The following UGGT2 variants were observed in gnomAD, a reference collection of about 807,000 sequenced individuals.
UGGT2 encodes UDP-glucose glycoprotein glucosyltransferase 2.
UGGT2 carries 180 observed loss-of-function variants against 192.1 expected under a neutral mutation model. The ratio of observed to expected loss-of-function variants is 0.94; its 90% CI spans 0.83 to 1.06. The LOEUF is 1.06. Among genes scored for constraint, UGGT2 ranks in the 50% least tolerant of loss-of-function variants. UGGT2 has a pLI of 0.00. For synonymous variants in UGGT2, 580 were observed against 591.0 expected (o/e 0.98, Z 0.27); for missense variants, 1,849 against 1,795.7 (o/e 1.03, Z -0.54).
intron 17 of UGGT2, among the ~76,000 whole-genome samples, chr13:95,932,180 C>T (rs763077575): frequency 6.6e-6 from 1 of 152,148 alleles, no homozygotes; most frequent in Non-Finnish European, 1.5e-5. Context: ...AATATTTAGT[C>T]TTCCAATCCG....
At chr13:96,021,358 CA>C (rs1472017351) in intron 4 of UGGT2, among the ~76,000 whole-genome samples, 1 of 152,034 alleles carries the variant, frequency 6.6e-6, no homozygotes, top group African/African-American at 2.4e-5. Flanking sequence ...CATCAGAAAC[CA>C]ATGACAATAA....
chr13:95,915,950 C>T (rs1337099349), intron 20 of UGGT2, among the ~76,000 whole-genome samples: 1 of 152,156 alleles, frequency 6.6e-6, no homozygotes, highest in African/African-American at 2.4e-5. Context: ...CTCTGCAGTT[C>T]GGTTGACTCA....
intron 4 of UGGT2, among the ~76,000 whole-genome samples, chr13:96,015,466 CAT>C: frequency 6.6e-6 from 1 of 152,014 alleles, no homozygotes; most frequent in Non-Finnish European, 1.5e-5. Context: ...CCTATAGACA[CAT>C]AACTTTCAAA....
Position 96,023,078 on chromosome 13 carries a change from AATT to A in UGGT2, c.444_446del (p.Lys148_Ile149delinsAsn). 1.9e-6 allele frequency: 3 copies of A among 1,594,018 alleles called. No homozygotes were observed. The highest frequency in any genetic ancestry group is 2.6e-6 in the Non-Finnish European group (3 of 1,169,034). Reference sequence around the variant, plus strand: ...TCTTCAGCAGCTTTTTAATCTCATTAATTTTACAGGTGTGCTTCTTATGAATAA... The same window carrying A: ...TCTTCAGCAGCTTTTTAATCTCATTATTACAGGTGTGCTTCTTATGAATAA... On this transcript the variant is annotated inframe_deletion, in exon 4 of 39. Transcript: ENST00000376747.
At chr13:95,827,918 A>AC (rs1271041629) in intron 38 of UGGT2, among the ~76,000 whole-genome samples, 1 of 152,118 alleles carries the variant, frequency 6.6e-6, no homozygotes, top group African/African-American at 2.4e-5. Flanking sequence ...AGATCCCCAC[A>AC]AAGTAACCAA....
intron 5 of UGGT2, among the ~76,000 whole-genome samples, chr13:96,007,976 A>G (rs976477900): frequency 6.6e-6 from 1 of 152,198 alleles, no homozygotes; most frequent in Non-Finnish European, 1.5e-5. Context: ...CTGAACAACC[A>G]TAATGCAGAA....
rs553613473 is a variant in UGGT2, at chr13:95,978,250, C to T, written c.1092+5554G>A. ...AAAAGTCATTTTAACACGTGAGACA[C>T]TATCTCATTGTGGTTTTGATTTGCA... On this transcript the variant is annotated intron_variant, in intron 10 of 38. Coordinates refer to ENST00000376747, the MANE Select transcript of UGGT2 (RefSeq NM_020121.4). Among the ~76,000 whole-genome samples the T allele has an allele frequency of 2.0e-5, 3 of 152,246 alleles. No homozygotes were observed. The East Asian group carries it at 5.8e-4, about 29-fold the overall frequency.
intron 21 of UGGT2, 95 bp downstream of exon 21, chr13:95,902,759 T>A (rs2048145016): frequency 8.3e-7 from 1 of 1,200,878 alleles, no homozygotes; most frequent in African/African-American, 1.5e-5. Context: ...TTTGTTTAAA[T>A]CTACCATTGT....
chr13:96,008,220 C>T (rs2052042614), intron 5 of UGGT2, among the ~76,000 whole-genome samples: 1 of 152,076 alleles, frequency 6.6e-6, no homozygotes, highest in Non-Finnish European at 1.5e-5. Context: ...TTCTACACAG[C>T]AAAGGAAACA....
At chr13:95,972,720 C>T (rs1234926735) in intron 10 of UGGT2, 49 bp from the exon 11 acceptor site, 21 of 1,390,270 alleles carry the variant, frequency 1.5e-5, no homozygotes, top group Non-Finnish European at 2.0e-5. Flanking sequence ...ACAATAGTGA[C>T]CTATATTAGG....
At chr13:96,021,970 C>A (rs2052527447) in intron 4 of UGGT2, among the ~76,000 whole-genome samples, 1 of 151,952 alleles carries the variant, frequency 6.6e-6, no homozygotes, top group African/African-American at 2.4e-5. Context: ...GAAAAGGATT[C>A]CAATGTTGAC....
chr13:95,895,563 G>C (rs1376358724), intron 22 of UGGT2, among the ~76,000 whole-genome samples: 1 of 151,838 alleles, frequency 6.6e-6, no homozygotes, highest in Non-Finnish European at 1.5e-5. Context: ...ATTTCCATTA[G>C]AAAGTTTTAC....
intron 29 of UGGT2, among the ~76,000 whole-genome samples, chr13:95,873,163 C>T (rs139416493): frequency 1.3e-5 from 2 of 152,258 alleles, no homozygotes; most frequent in East Asian, 1.9e-4. Flanking sequence ...AAGCAGTTTG[C>T]ACAAAATTTA....
chr13:96,048,948 T>TA (rs1566861475), intron 1 of UGGT2, among the ~76,000 whole-genome samples: 1 of 148,764 alleles, frequency 6.7e-6, no homozygotes, highest in Non-Finnish European at 1.5e-5. Context: ...TTCCAATTGA[T>TA]ACAAAAAAAG....
chr13:95,900,997 T>C (rs2048090243), intron 21 of UGGT2, 59 bp from the exon 22 acceptor site: 3 of 1,229,394 alleles, frequency 2.4e-6, no homozygotes, highest in East Asian at 3.0e-5. Context: ...TATTAAATCA[T>C]TTTGTTTAAA....
At chr13:95,902,171 G>A (rs969891054) in intron 21 of UGGT2, among the ~76,000 whole-genome samples, 9 of 152,250 alleles carry the variant, frequency 5.9e-5, no homozygotes, top group African/African-American at 2.2e-4. Context: ...TTAATCTCAA[G>A]TGGACCCTCA....
chr13:95,971,924 T>C (rs1288278479), intron 11 of UGGT2, among the ~76,000 whole-genome samples: 2 of 152,180 alleles, frequency 1.3e-5, no homozygotes, highest in African/African-American at 4.8e-5. Context: ...GTATATTCAA[T>C]TGAATTAAAA....
At chr13:95,966,954 A>G (rs1050863089) in intron 12 of UGGT2, among the ~76,000 whole-genome samples, 29 of 152,316 alleles carry the variant, frequency 1.9e-4, no homozygotes, top group African/African-American at 6.3e-4. Flanking sequence ...CATGTCAATA[A>G]TACTCGATTG....
At chr13:95,917,536 T>C (rs1004107079) in intron 20 of UGGT2, among the ~76,000 whole-genome samples, 2 of 152,180 alleles carry the variant, frequency 1.3e-5, no homozygotes, top group Admixed American at 1.3e-4. Context: ...AGCATCATGA[T>C]GACAGTATCA....
Sources: allele counts gnomAD v4.1 joint callset (sites outside exome capture counted in the v4.1 genomes callset), GRCh38; gene constraint gnomAD v4.1.1; transcripts MANE v1.5; gene names NCBI Gene and HGNC (gene_info 2026-07-23, HGNC 2026-07-21).